Variants in DGAT2L6 observed in about 807,000 individuals in gnomAD.
DGAT2L6 encodes diacylglycerol O-acyltransferase 2 like 6.
Under a neutral mutation model 25.5 loss-of-function variants are expected in DGAT2L6, and 22 were observed. The observed-to-expected ratio is 0.86, with a 90% CI of 0.62 to 1.23. The LOEUF (loss-of-function observed/expected upper bound fraction) is 1.23. Among genes scored for constraint, DGAT2L6 ranks in the 50% most tolerant of loss-of-function variants. DGAT2L6 has a pLI of 0.00. For synonymous variants in DGAT2L6, 100 were observed against 94.7 expected (o/e 1.06, Z -0.32); for missense variants, 287 against 253.2 (o/e 1.13, Z -0.91).
chrX:70,201,526 G>T, intron 4 of DGAT2L6, among the ~76,000 whole-genome samples: 1 of 111,299 alleles, frequency 9.0e-6, no homozygotes, highest in Non-Finnish European at 1.9e-5. Context: ...GAACTCTGGA[G>T]GATCTCCAGT....
chrX:70,193,391 C>T (rs764019580), intron 1 of DGAT2L6, among the ~76,000 whole-genome samples: 74 of 111,095 alleles, frequency 6.7e-4, no homozygotes, highest in African/African-American at 2.4e-3. Context: ...CTTCCAAACT[C>T]CTTTTACAAT....
At chrX:70,186,139 A>G (rs1195204908) in intron 1 of DGAT2L6, among the ~76,000 whole-genome samples, 1 of 111,967 alleles carries the variant, frequency 8.9e-6, no homozygotes, top group Admixed American at 9.5e-5. Flanking sequence ...CAACTTGGAG[A>G]ATTGTGAAAT....
chrX:70,199,071 G>A (rs2085400679), intron 1 of DGAT2L6, among the ~76,000 whole-genome samples, 200 bp from the exon 2 acceptor site: 1 of 111,758 alleles, frequency 8.9e-6, no homozygotes, highest in African/African-American at 3.3e-5. Context: ...AGGAGACCCA[G>A]ATCCAGGGGC....
chrX:70,179,106 T>C (rs1044164468), intron 1 of DGAT2L6, among the ~76,000 whole-genome samples: 1 of 112,061 alleles, frequency 8.9e-6, no homozygotes, highest in African/African-American at 3.2e-5. Context: ...AAACATATTA[T>C]TCAGAGAAAG....
intron 1 of DGAT2L6, among the ~76,000 whole-genome samples, chrX:70,189,998 C>T (rs896648984): frequency 4.5e-5 from 5 of 111,094 alleles, no homozygotes; most frequent in East Asian, 2.8e-4. Context: ...ATTTTGAGAA[C>T]GAATAAAGTT....
At chrX:70,201,291 C>T (rs563558643) in intron 4 of DGAT2L6, among the ~76,000 whole-genome samples, 2 of 112,111 alleles carry the variant, frequency 1.8e-5, no homozygotes, top group Middle Eastern at 4.7e-3. Flanking sequence ...AGAAGGTGAG[C>T]GCAGGGCAAA....
intron 1 of DGAT2L6, among the ~76,000 whole-genome samples, chrX:70,184,550 G>A (rs57771921): frequency 0.016 from 1,793 of 109,294 alleles, 32 homozygotes; most frequent in African/African-American, 0.057. Flanking sequence ...CTGCAGCCTC[G>A]AACTCCTGGG....
intron 1 of DGAT2L6, among the ~76,000 whole-genome samples, chrX:70,179,092 A>G (rs947013831): frequency 2.7e-5 from 3 of 111,916 alleles, no homozygotes; most frequent in African/African-American, 9.7e-5. Context: ...TATTTTGTGC[A>G]TTTAAACATA....
intron 1 of DGAT2L6, among the ~76,000 whole-genome samples, chrX:70,179,214 A>G (rs2085335767): frequency 1.8e-5 from 2 of 112,352 alleles, no homozygotes; most frequent in African/African-American, 6.5e-5. Context: ...AAGCCCATTG[A>G]TGGCTTGACT....
intron 4 of DGAT2L6, among the ~76,000 whole-genome samples, chrX:70,201,105 AAAC>A (rs2085408835): frequency 8.9e-6 from 1 of 112,037 alleles, no homozygotes; most frequent in East Asian, 2.8e-4. Flanking sequence ...GGACACCAGA[AAAC>A]AACTGAAGCC....
intron 5 of DGAT2L6, among the ~76,000 whole-genome samples, chrX:70,203,985 C>T (rs1344067919): frequency 9.0e-6 from 1 of 110,988 alleles, no homozygotes; most frequent in Non-Finnish European, 1.9e-5. Context: ...ATGGTGCAAA[C>T]TGAGGAGCTC....
chrX:70,177,739 G>C (rs2085331533), intron 1 of DGAT2L6, 72 bp downstream of exon 1: 1 of 946,190 alleles, frequency 1.1e-6, no homozygotes, highest in African/African-American at 1.9e-5. Flanking sequence ...CAGATGAGGA[G>C]GGTTCCAAAG....
rs1296820759 is a variant in DGAT2L6, at chrX:70,196,106, A to G, written c.86-3165A>G. On this transcript the variant is annotated intron_variant, in intron 1 of 6. Transcript: ENST00000333026. Reference sequence around the variant, plus strand: ...ATTTTTATTTGTAAATTATACCTCCATAAAACTGGTAAAAATGAACTTGAA... The same window carrying G: ...ATTTTTATTTGTAAATTATACCTCCGTAAAACTGGTAAAAATGAACTTGAA... Among the ~76,000 whole-genome samples the G allele has an allele frequency of 3.6e-5, 4 of 111,597 alleles. No homozygotes were observed. The East Asian group carries it at 1.1e-3, about 31-fold the overall frequency.
intron 1 of DGAT2L6, among the ~76,000 whole-genome samples, chrX:70,182,799 GC>G (rs1217542875): frequency 3.6e-5 from 4 of 111,686 alleles, no homozygotes; most frequent in African/African-American, 1.3e-4. Flanking sequence ...GACTACAGGT[GC>G]CCGCCACGAT....
intron 1 of DGAT2L6, among the ~76,000 whole-genome samples, chrX:70,183,742 T>C (rs2085350976): frequency 1.8e-5 from 2 of 110,807 alleles, no homozygotes; most frequent in African/African-American, 6.6e-5. Context: ...CTGTAAAAAA[T>C]AGAACAGGTT....
intron 1 of DGAT2L6, among the ~76,000 whole-genome samples, chrX:70,179,647 T>A (rs948277636): frequency 1.1e-4 from 11 of 101,361 alleles, no homozygotes; most frequent in Non-Finnish European, 2.0e-4. Context: ...GGCTCACTGC[T>A]ACCTCCGCCT....
chrX:70,188,855 T>A (rs1281663687), intron 1 of DGAT2L6, among the ~76,000 whole-genome samples: 1 of 108,481 alleles, frequency 9.2e-6, no homozygotes, highest in African/African-American at 3.4e-5. Context: ...ACTAACCATC[T>A]AAGCATGAAA....
chrX:70,182,452 A>G (rs1385339136), intron 1 of DGAT2L6, among the ~76,000 whole-genome samples: 2 of 87,152 alleles, frequency 2.3e-5, no homozygotes, highest in African/African-American at 4.5e-5. Flanking sequence ...TTACTTCTGG[A>G]GGTCTTTCAA....
intron 1 of DGAT2L6, among the ~76,000 whole-genome samples, chrX:70,183,260 G>A (rs892250263): frequency 9.8e-5 from 11 of 112,104 alleles, no homozygotes; most frequent in African/African-American, 3.6e-4. Flanking sequence ...ATTGCCTTGC[G>A]TTCCAGGCAA....
Sources: allele counts gnomAD v4.1 joint callset (sites outside exome capture counted in the v4.1 genomes callset), GRCh38; gene constraint gnomAD v4.1.1; transcripts MANE v1.5; gene names NCBI Gene and HGNC (gene_info 2026-07-23, HGNC 2026-07-21).